The following DLC1 variants were observed in gnomAD, a reference collection of about 807,000 sequenced individuals.
DLC1 encodes DLC1 Rho GTPase activating protein, also known as rho GTPase-activating protein 7.
DLC1 carries 54 observed loss-of-function variants against 140.3 expected under a neutral mutation model. The observed-to-expected ratio is 0.38, with a 90% CI of 0.31 to 0.48. DLC1 has a LOEUF of 0.48. Among genes scored for constraint, DLC1 ranks in the 20% least tolerant of loss-of-function variants. The pLI, the probability that DLC1 is intolerant of heterozygous loss-of-function variation, is 0.96. For synonymous variants in DLC1, 986 were observed against 728.1 expected (o/e 1.35, Z -5.70); for missense variants, 2,536 against 1,907.0 (o/e 1.33, Z -6.14).
intron 2 of DLC1, among the ~76,000 whole-genome samples, chr8:13,424,516 A>G (rs899528434): frequency 7.9e-5 from 12 of 151,946 alleles, no homozygotes; most frequent in Admixed American, 3.3e-4. Context: ...ATAAAATAAA[A>G]GTCAGATCTC....
intron 1 of DLC1, chr8:13,536,144 A>G (rs967758026): frequency 5.3e-5 from 8 of 152,218 alleles, no homozygotes; most frequent in African/African-American, 1.7e-4. Flanking sequence ...TCCCCCTTGT[A>G]TACTGATGAC....
At chr8:13,301,636 C>T (rs986973581) in intron 5 of DLC1, among the ~76,000 whole-genome samples, 3 of 152,150 alleles carry the variant, frequency 2.0e-5, no homozygotes, top group Non-Finnish European at 4.4e-5. Context: ...TCCAATGGGA[C>T]GGGTTCACTC....
intron 5 of DLC1, among the ~76,000 whole-genome samples, chr8:13,208,629 C>G (rs1353441918): frequency 6.6e-6 from 1 of 151,842 alleles, no homozygotes; most frequent in Admixed American, 6.6e-5. Flanking sequence ...AATTTCAGAT[C>G]AAGTATGAGT....
intron 2 of DLC1, among the ~76,000 whole-genome samples, chr8:13,471,744 G>C (rs189740695): frequency 3.8e-4 from 58 of 152,120 alleles, no homozygotes; most frequent in African/African-American, 1.2e-3. Flanking sequence ...GAGGAAAGGA[G>C]AAAGAGAGAA....
Position 13,499,555 on chromosome 8 carries a change from C to A in DLC1, c.517G>T (p.Ala173Ser). 6.2e-7 allele frequency: 1 copy of A among 1,614,172 alleles called. No homozygotes were observed. ...SWGIAGETEL[A>S]LVKESGERKV... ...CTCTCCCCACTTTCTTTTACCAGTGCTAATTCAGTTTCACCAGCTATTCCC... is the reference window on the plus strand; with the variant it reads ...CTCTCCCCACTTTCTTTTACCAGTGATAATTCAGTTTCACCAGCTATTCCC... Residue 173 changes from alanine to serine, a missense_variant, in exon 2 of 18, where the codon GCA becomes TCA. Transcript: ENST00000276297.
At chr8:13,232,874 C>T in intron 5 of DLC1, among the ~76,000 whole-genome samples, 1 of 152,262 alleles carries the variant, frequency 6.6e-6, no homozygotes, top group Non-Finnish European at 1.5e-5. Flanking sequence ...ATAGATTCAA[C>T]TTTTTTTGTA....
chr8:13,263,346 A>G (rs1315335268), intron 5 of DLC1, among the ~76,000 whole-genome samples: 1 of 151,882 alleles, frequency 6.6e-6, no homozygotes, highest in African/African-American at 2.4e-5. Flanking sequence ...TATCCTCAGC[A>G]CCTACCTCAG....
intron 7 of DLC1, 137 bp downstream of exon 7, chr8:13,110,605 T>C (rs1323268852): frequency 2.6e-6 from 2 of 777,294 alleles, no homozygotes; most frequent in Non-Finnish European, 4.2e-6. Context: ...AATTAAAAGG[T>C]CTATGATCAC....
chr8:13,435,771 G>C (rs1338307845), intron 2 of DLC1, among the ~76,000 whole-genome samples: 1 of 152,226 alleles, frequency 6.6e-6, no homozygotes, highest in Admixed American at 6.5e-5. Flanking sequence ...CTGTAATTCT[G>C]AAAGATATGC....
At chr8:13,156,022 G>T (rs1431492213) in intron 5 of DLC1, among the ~76,000 whole-genome samples, 2 of 151,978 alleles carry the variant, frequency 1.3e-5, no homozygotes, top group South Asian at 2.1e-4. Flanking sequence ...TCCCTCATTT[G>T]CCAACTTAAA....
intron 4 of DLC1, among the ~76,000 whole-genome samples, chr8:13,373,198 G>A (rs952404213): frequency 6.6e-5 from 10 of 152,072 alleles, no homozygotes; most frequent in Non-Finnish European, 1.2e-4. Flanking sequence ...TAAGATGGGT[G>A]CAAACGGGTG....
intron 4 of DLC1, among the ~76,000 whole-genome samples, chr8:13,385,982 C>A (rs1353074522): frequency 6.6e-6 from 1 of 152,130 alleles, no homozygotes; most frequent in Non-Finnish European, 1.5e-5. Context: ...ATTATTACTC[C>A]TCAGTGCTAT....
At chr8:13,345,150 T>C (rs1834269376) in intron 4 of DLC1, among the ~76,000 whole-genome samples, 1 of 152,096 alleles carries the variant, frequency 6.6e-6, no homozygotes, top group African/African-American at 2.4e-5. Context: ...ACGTGTGATA[T>C]GGTTGGCTGG....
chr8:13,392,195 C>T (rs1183493497), intron 4 of DLC1, among the ~76,000 whole-genome samples: 1 of 152,144 alleles, frequency 6.6e-6, no homozygotes, highest in African/African-American at 2.4e-5. Flanking sequence ...GCAGTATTAT[C>T]ATAGCTTGTA....
At chr8:13,525,926 A>G (rs1376770577) in intron 1 of DLC1, among the ~76,000 whole-genome samples, 1 of 152,178 alleles carries the variant, frequency 6.6e-6, no homozygotes, top group Non-Finnish European at 1.5e-5. Flanking sequence ...TTTCTCCTAC[A>G]CTATATGCTA....
chr8:13,109,598 A>G (rs61364029), intron 7 of DLC1, among the ~76,000 whole-genome samples: 6,219 of 151,224 alleles, frequency 0.041, 445 homozygotes, highest in African/African-American at 0.14. Context: ...AACAAAAAAA[A>G]AACAGGCTGG....
chr8:13,456,044 G>T (rs1174193703), intron 2 of DLC1, among the ~76,000 whole-genome samples: 5 of 152,146 alleles, frequency 3.3e-5, no homozygotes, highest in Non-Finnish European at 7.4e-5. Context: ...GTGTTCTAAA[G>T]AATTAAAAAG....
At chr8:13,239,604 C>T (rs1366121589) in intron 5 of DLC1, among the ~76,000 whole-genome samples, 3 of 152,100 alleles carry the variant, frequency 2.0e-5, no homozygotes, top group Non-Finnish European at 2.9e-5. Flanking sequence ...ATGCTCTAAG[C>T]AACCAACGAA....
intron 5 of DLC1, among the ~76,000 whole-genome samples, chr8:13,225,078 C>T (rs981711195): frequency 6.6e-6 from 1 of 152,224 alleles, no homozygotes; most frequent in Non-Finnish European, 1.5e-5. Flanking sequence ...AATTTCAACT[C>T]ATTAGAGGAT....
Sources: allele counts gnomAD v4.1 joint callset (sites outside exome capture counted in the v4.1 genomes callset), GRCh38; gene constraint gnomAD v4.1.1; transcripts MANE v1.5; gene names NCBI Gene and HGNC (gene_info 2026-07-23, HGNC 2026-07-21).